USH2A: variants seen among roughly 807,000 people sequenced by gnomAD.
USH2A encodes the protein Usher syndrome 2A (autosomal recessive, mild).
In USH2A, 443 loss-of-function variants were observed where a neutral mutation model predicts 538.9. That is an observed-to-expected ratio of 0.82 (90% CI 0.76 to 0.89). USH2A has a LOEUF of 0.89. Among genes scored for constraint, USH2A ranks in the 40% least tolerant of loss-of-function variants. USH2A has a pLI of 0.00. For missense variants in USH2A, 6,633 were observed against 6,324.8 expected (o/e 1.05, Z -1.65); for synonymous variants, 2,413 against 2,273.5 (o/e 1.06, Z -1.75).
At chr1:215,967,723 A>T (rs1346411437) in intron 36 of USH2A, among the ~76,000 whole-genome samples, 1 of 149,294 alleles carries the variant, frequency 6.7e-6, no homozygotes, top group Non-Finnish European at 1.5e-5. Flanking sequence ...AGATGTCTTA[A>T]ATAACACACT....
At chr1:215,685,976 T>C (rs1264644599) in intron 61 of USH2A, among the ~76,000 whole-genome samples, 1 of 152,118 alleles carries the variant, frequency 6.6e-6, no homozygotes, top group Admixed American at 6.5e-5. Context: ...TTTAGGACCA[T>C]GGCCTATTGT....
intron 61 of USH2A, among the ~76,000 whole-genome samples, chr1:215,684,438 C>A (rs1658342764): frequency 6.6e-6 from 1 of 152,184 alleles, no homozygotes; most frequent in African/African-American, 2.4e-5. Flanking sequence ...GGGATACTCC[C>A]TGCACAAATG....
In USH2A at chr1:216,286,155, A is replaced by C. The variant is rs111485898; in HGVS notation, c.1971+3125T>G. On this transcript the variant is annotated intron_variant, in intron 11 of 71. Transcript: ENST00000307340. ...CCAAGTGTGAGTTTGGCTGTGTCCC[A>C]ACCCAAATCTCATCTTGAATTGTAG... 2.4e-4 allele frequency among the ~76,000 whole-genome samples: 37 copies of C among 152,262 alleles called. 3 individuals are homozygous for C. Among genetic ancestry groups the C allele is most frequent in the African/African-American group, 8.9e-4 (37 of 41,550 alleles).
chr1:215,795,576 A>G (rs948399954), intron 50 of USH2A, among the ~76,000 whole-genome samples: 4 of 152,206 alleles, frequency 2.6e-5, no homozygotes, highest in Admixed American at 6.5e-5. Flanking sequence ...CTACAGATGA[A>G]CAAACACACT....
intron 54 of USH2A, among the ~76,000 whole-genome samples, chr1:215,781,266 G>T (rs950708559): frequency 3.0e-4 from 45 of 152,086 alleles, no homozygotes; most frequent in African/African-American, 1.0e-3. Flanking sequence ...CACATAAAGT[G>T]CCAAGTACTA....
Position 215,732,544 on chromosome 1 carries a change from C to CTTTTTTTTTTTTTTTTTTTTTTT in USH2A, c.11712-4183_11712-4161dup, listed in dbSNP as rs141549439. The stretch of plus-strand genomic sequence containing the variant: ...TCTTTCTTATTCTCCTTTTTTCTTT[C>CTTTTTTTTTTTTTTTTTTTTTTT]TTTTTTTTTTTTTTTTTTTTTTTTT... On this transcript the variant is annotated intron_variant, in intron 60 of 71. Transcript: ENST00000307340. Among the ~76,000 whole-genome samples, 22 of 73,586 alleles carry CTTTTTTTTTTTTTTTTTTTTTTT rather than the reference C, an allele frequency of 3.0e-4. 3 individuals carry two copies. The highest frequency in any genetic ancestry group is 1.2e-3 in the African/African-American group (20 of 16,332). 48.3% of individuals were successfully genotyped at this position (73,586 alleles called of 152,430 possible).
intron 32 of USH2A, among the ~76,000 whole-genome samples, chr1:216,009,627 G>A (rs772816117): frequency 1.3e-5 from 2 of 152,014 alleles, no homozygotes; most frequent in Non-Finnish European, 2.9e-5. Context: ...AAGCGTGGCT[G>A]AGTCTTTCTA....
At chr1:215,788,547 C>G (rs949815639) in intron 51 of USH2A, among the ~76,000 whole-genome samples, 6 of 151,948 alleles carry the variant, frequency 3.9e-5, no homozygotes, top group African/African-American at 1.5e-4. Flanking sequence ...CCTAAATGCT[C>G]TCATCACAAA....
intron 58 of USH2A, among the ~76,000 whole-genome samples, chr1:215,746,032 A>G (rs1201260678): frequency 1.3e-5 from 2 of 152,020 alleles, no homozygotes; most frequent in Non-Finnish European, 2.9e-5. Context: ...AAAGACAGGA[A>G]CAAACATAGT....
intron 3 of USH2A, among the ~76,000 whole-genome samples, chr1:216,381,328 G>A (rs2038918862): frequency 6.6e-6 from 1 of 152,074 alleles, no homozygotes; most frequent in Middle Eastern, 3.2e-3. Flanking sequence ...AGCTATAGAG[G>A]CACCATCTAA....
At chr1:216,080,512 C>T (rs1175715337) in intron 26 of USH2A, among the ~76,000 whole-genome samples, 1 of 151,894 alleles carries the variant, frequency 6.6e-6, no homozygotes, top group Non-Finnish European at 1.5e-5. Flanking sequence ...AATGTACAGT[C>T]ATTTTAGGGA....
intron 13 of USH2A, among the ~76,000 whole-genome samples, chr1:216,240,758 A>G (rs539541944): frequency 1.3e-5 from 2 of 151,980 alleles, no homozygotes; most frequent in East Asian, 1.9e-4. Context: ...CATGTGCTCT[A>G]CCAAATACAC....
chr1:216,166,868 A>C (rs1176186165), intron 21 of USH2A, among the ~76,000 whole-genome samples: 2 of 152,076 alleles, frequency 1.3e-5, no homozygotes, highest in African/African-American at 4.8e-5. Flanking sequence ...TTAAGTCCTT[A>C]TTCTTCCTTT....
chr1:216,071,163 G>A (rs1317496371), intron 29 of USH2A, among the ~76,000 whole-genome samples: 1 of 152,176 alleles, frequency 6.6e-6, no homozygotes, highest in South Asian at 2.1e-4. Context: ...GCTGCTCATG[G>A]ACTCCTGAGC....
chr1:215,860,428 G>T (rs561344587), intron 44 of USH2A, among the ~76,000 whole-genome samples: 37 of 152,040 alleles, frequency 2.4e-4, no homozygotes, highest in African/African-American at 8.7e-4. Context: ...AAAAACAAAA[G>T]AAAAAAAGTA....
At chr1:215,998,260 A>G (rs936337705) in intron 34 of USH2A, among the ~76,000 whole-genome samples, 2 of 152,094 alleles carry the variant, frequency 1.3e-5, no homozygotes, top group African/African-American at 4.8e-5. Flanking sequence ...AACAAAAGGA[A>G]TTACTGAGTA....
chr1:216,209,263 G>A (rs7528671), intron 15 of USH2A, among the ~76,000 whole-genome samples: 4,631 of 152,250 alleles, frequency 0.03, 226 homozygotes, highest in African/African-American at 0.1. Flanking sequence ...TTAGCTTGAG[G>A]CTGCTTCTAC....
chr1:216,422,288 T>C lies in USH2A; in HGVS notation c.49A>G (p.Ile17Val). ...AAATAGGCAAAGATCAACATTTCAA[T>C]GACCTGAAACAAGAAGCCAGAGCCC... is the stretch of plus-strand genomic sequence containing the variant. ...SLGSGFLFQV[I>V]EMLIFAYFAS... Residue 17 changes from isoleucine to valine, a missense_variant, in exon 2 of 72, where the codon ATT becomes GTT. Ile to Val is a conservative substitution (Grantham distance 29). Coordinates refer to ENST00000307340, the MANE Select transcript of USH2A (RefSeq NM_206933.4). 1.2e-6 allele frequency: 2 copies of C among 1,613,760 alleles called. No homozygotes were observed. Among genetic ancestry groups the C allele is most frequent in the African/African-American group, 2.7e-5 (2 of 74,982 alleles).
chr1:216,247,044 A>C lies in USH2A; in HGVS notation c.2350T>G (p.Phe784Val), dbSNP rs910033661. 4 of 1,613,950 alleles carry C rather than the reference A, an allele frequency of 2.5e-6. No homozygotes were observed. The highest frequency in any genetic ancestry group is 1.6e-4 in the Middle Eastern group (1 of 6,062). Residue 784 changes from phenylalanine (F) to valine (V), a missense_variant, in exon 13 of 72, where the codon TTT becomes GTT. Coordinates refer to ENST00000307340, the MANE Select transcript of USH2A (RefSeq NM_206933.4). Reference protein sequence around the residue: ...GLQCDTCRENFYGLDVTNCKA... With the variant: ...GLQCDTCRENVYGLDVTNCKA... ...CAATTGGTGACATCTAACCCATAAA[A>C]GTTTTCTCTGCAGGTGTCACACTGA...
Sources: gnomAD v4.1 joint callset for allele counts (sites outside exome capture counted in the v4.1 genomes callset) on GRCh38, gnomAD v4.1.1 for gene constraint, MANE v1.5 for transcripts, NCBI Gene and HGNC (gene_info 2026-07-23, HGNC 2026-07-21) for gene names.